Variants in UGGT2 observed in about 807,000 individuals in gnomAD.
UGGT2 encodes UDP-glucose:glycoprotein glucosyltransferase 2.
Under a neutral mutation model 192.1 loss-of-function variants are expected in UGGT2, and 180 were observed. That is an observed-to-expected ratio of 0.94 (90% confidence interval 0.83 to 1.06). The LOEUF (loss-of-function observed/expected upper bound fraction) is 1.06. Among genes scored for constraint, UGGT2 ranks in the 50% least tolerant of loss-of-function variants. UGGT2 has a pLI of 0.00. For synonymous variants in UGGT2, 580 were observed against 591.0 expected (o/e 0.98, Z 0.27); for missense variants, 1,849 against 1,795.7 (o/e 1.03, Z -0.54).
intron 33 of UGGT2, 97 bp downstream of exon 33, chr13:95,859,494 C>T: frequency 2.0e-6 from 2 of 1,018,224 alleles, no homozygotes; most frequent in Non-Finnish European, 2.8e-6. Context: ...TTTCAAAAAG[C>T]TTATTCTGAA....
intron 9 of UGGT2, among the ~76,000 whole-genome samples, chr13:95,984,350 GAC>G (rs1203127148): frequency 6.6e-6 from 1 of 151,920 alleles, no homozygotes; most frequent in African/African-American, 2.4e-5. Flanking sequence ...TTTTTTTAGA[GAC>G]AGAGTCTCAC....
At chr13:95,911,218 C>A (rs191165422) in intron 20 of UGGT2, among the ~76,000 whole-genome samples, 3 of 151,704 alleles carry the variant, frequency 2.0e-5, no homozygotes, top group Non-Finnish European at 2.9e-5. Context: ...GCTAGCAGAA[C>A]GCAAGAAATA....
At chr13:95,864,926 A>G (rs376758019) in intron 30 of UGGT2, among the ~76,000 whole-genome samples, 2 of 152,232 alleles carry the variant, frequency 1.3e-5, no homozygotes, top group South Asian at 2.1e-4. Flanking sequence ...ACATTTGATT[A>G]AGAATTTGGC....
chr13:95,891,030 TTAGC>T (rs2047786672), intron 24 of UGGT2, 66 bp from the exon 25 acceptor site: 1 of 1,139,350 alleles, frequency 8.8e-7, no homozygotes, highest in Non-Finnish European at 1.3e-6. Context: ...AATCATGATC[TTAGC>T]TATATAATTC....
At chr13:96,033,707 A>C (rs2052909608) in intron 1 of UGGT2, among the ~76,000 whole-genome samples, 1 of 152,032 alleles carries the variant, frequency 6.6e-6, no homozygotes, top group African/African-American at 2.4e-5. Flanking sequence ...AGCTGCCACA[A>C]CCCGGCTGGT....
intron 12 of UGGT2, among the ~76,000 whole-genome samples, chr13:95,956,909 C>T (rs931159791): frequency 1.3e-5 from 2 of 152,096 alleles, no homozygotes; most frequent in Non-Finnish European, 2.9e-5. Flanking sequence ...TTCACAATAG[C>T]CAAAAGTTAG....
Position 96,053,200 on chromosome 13 carries a change from TG to T in UGGT2, c.112del (p.His38ThrfsTer37). On this transcript the variant is annotated frameshift_variant, in exon 1 of 39. Transcript: ENST00000376747. LOFTEE classifies it high-confidence loss of function. The part of the protein sequence containing the change: ...TVAASKSVTA[H>X]LAAKWPETPL... The stretch of plus-strand genomic sequence containing the variant: ...GGTCTCGGGCCACTTCGCGGCCAAG[TG>T]GGCAGTCACCGACTTGGACGCGGCG... 1.3e-6 allele frequency: 2 copies of T among 1,529,172 alleles called. No individual in the cohort carries two copies. The highest frequency in any genetic ancestry group is 8.7e-7 in the Non-Finnish European group (1 of 1,144,610). 94.7% of individuals were successfully genotyped at this position (1,529,172 alleles called of 1,614,324 possible). A position where few individuals can be genotyped will look rare whatever the true frequency, so the allele number is the denominator to read the frequency against.
chr13:95,980,392 G>A (rs1025103996), intron 10 of UGGT2, among the ~76,000 whole-genome samples: 2 of 152,018 alleles, frequency 1.3e-5, no homozygotes, highest in African/African-American at 2.4e-5. Context: ...TCATATGTGG[G>A]AGCTAAGCTT....
chr13:96,041,651 C>T (rs778955812), intron 1 of UGGT2, among the ~76,000 whole-genome samples: 4 of 152,156 alleles, frequency 2.6e-5, no homozygotes, highest in South Asian at 2.1e-4. Context: ...GCTCGCCCAC[C>T]GCCTGGAAAC....
intron 12 of UGGT2, among the ~76,000 whole-genome samples, chr13:95,957,301 A>G (rs2050239848): frequency 6.6e-6 from 1 of 152,220 alleles, no homozygotes; most frequent in Admixed American, 6.5e-5. Flanking sequence ...TGGTTAAAAG[A>G]GCAAATTTTA....
chr13:95,869,573 CACTT>C (rs760010105), intron 29 of UGGT2, among the ~76,000 whole-genome samples: 13 of 152,186 alleles, frequency 8.5e-5, no homozygotes, highest in Admixed American at 8.5e-4. Context: ...GATGCTCACT[CACTT>C]AATCCATACA....
chr13:95,826,619 G>C (rs113985869), intron 38 of UGGT2, among the ~76,000 whole-genome samples: 1 of 151,866 alleles, frequency 6.6e-6, no homozygotes. Flanking sequence ...ATTTATAACA[G>C]TAGCAAAGAA....
At chr13:95,989,795 G>A (rs2051401843) in intron 8 of UGGT2, among the ~76,000 whole-genome samples, 178 bp downstream of exon 8, 1 of 151,934 alleles carries the variant, frequency 6.6e-6, no homozygotes, top group South Asian at 2.1e-4. Flanking sequence ...TAAAAATATA[G>A]CTTGCTTGAG....
At chr13:95,938,227 GT>G (rs1385126027) in intron 16 of UGGT2, among the ~76,000 whole-genome samples, 1 of 152,152 alleles carries the variant, frequency 6.6e-6, no homozygotes, top group Admixed American at 6.5e-5. Context: ...ATACAGCAGT[GT>G]TTACAGGGTG....
intron 13 of UGGT2, 149 bp downstream of exon 13, chr13:95,949,186 C>T: frequency 1.6e-6 from 1 of 631,618 alleles, no homozygotes; most frequent in Non-Finnish European, 2.4e-6. Flanking sequence ...TGTTGATACC[C>T]AGTCAGCCAT....
At chr13:95,908,042 A>G (rs2048349706) in intron 20 of UGGT2, among the ~76,000 whole-genome samples, 1 of 152,196 alleles carries the variant, frequency 6.6e-6, no homozygotes, top group Non-Finnish European at 1.5e-5. Flanking sequence ...AACAGTGTAG[A>G]GAAGACCTTA....
intron 11 of UGGT2, among the ~76,000 whole-genome samples, chr13:95,972,278 T>C (rs941704181): frequency 6.6e-6 from 1 of 152,084 alleles, no homozygotes; most frequent in Non-Finnish European, 1.5e-5. Flanking sequence ...GGTTGTTCAG[T>C]CCAGTTCCAA....
At chr13:95,831,531 C>G (rs1441393495) in intron 38 of UGGT2, among the ~76,000 whole-genome samples, 1 of 152,122 alleles carries the variant, frequency 6.6e-6, no homozygotes, top group South Asian at 2.1e-4. Context: ...TATTGATGGA[C>G]AGATTATTTC....
chr13:95,944,509 TAAG>T (rs1237263009), intron 15 of UGGT2, among the ~76,000 whole-genome samples: 2 of 152,054 alleles, frequency 1.3e-5, no homozygotes, highest in Admixed American at 6.6e-5. Flanking sequence ...GCCCAGGCCT[TAAG>T]AGTCTGGAAG....
Sources: gnomAD v4.1 joint callset for allele counts (sites outside exome capture counted in the v4.1 genomes callset) on GRCh38, gnomAD v4.1.1 for gene constraint, MANE v1.5 for transcripts, NCBI Gene and HGNC (gene_info 2026-07-23, HGNC 2026-07-21) for gene names.